The following CNTN3 variants were observed in gnomAD, a reference collection of about 807,000 sequenced individuals.
CNTN3 encodes contactin 3.
Under a neutral mutation model 119.1 loss-of-function variants are expected in CNTN3, and 60 were observed. The observed-to-expected ratio is 0.50, with a 90% confidence interval of 0.41 to 0.62. The LOEUF is 0.62. Among genes scored for constraint, CNTN3 ranks in the 20% least tolerant of loss-of-function variants. The pLI is 0.00. For missense variants in CNTN3, 1,101 were observed against 1,242.4 expected (o/e 0.89, Z 1.71); for synonymous variants, 450 against 438.7 (o/e 1.03, Z -0.32).
intron 1 of CNTN3, among the ~76,000 whole-genome samples, chr3:74,582,559 A>G (rs1704529680): frequency 6.6e-6 from 1 of 152,206 alleles, no homozygotes; most frequent in Admixed American, 6.5e-5. Flanking sequence ...TTCCCAAAAG[A>G]AGATCTATAC....
chr3:74,423,284 G>A (rs1701645422), intron 5 of CNTN3, among the ~76,000 whole-genome samples: 1 of 152,222 alleles, frequency 6.6e-6, no homozygotes, highest in Non-Finnish European at 1.5e-5. Context: ...AAACTGAATT[G>A]TGATGTGGTC....
chr3:74,399,639 TC>T (rs1705143145), intron 5 of CNTN3, among the ~76,000 whole-genome samples: 1 of 152,174 alleles, frequency 6.6e-6, no homozygotes, highest in Non-Finnish European at 1.5e-5. Flanking sequence ...TGATTTATAT[TC>T]CTTTGGGTAT....
At position 74,385,440 on chromosome 3, in the gene CNTN3, A is replaced by C. The variant is rs1011999195; in HGVS notation, c.455-14041T>G. On this transcript the variant is annotated intron_variant, in intron 5 of 22. Coordinates refer to ENST00000263665, the MANE Select transcript of CNTN3 (RefSeq NM_020872.3). The stretch of plus-strand genomic sequence containing the variant: ...AGTACAAAATACTGTTTAAGGACAC[A>C]AAAGTGTTTTGACTATTGCTATCTC... 9.8e-3 allele frequency among the ~76,000 whole-genome samples: 4 copies of C among 410 alleles called. No homozygotes were observed. In the Non-Finnish European group the frequency reaches 0.18, roughly 19 times the overall value. 0.3% of individuals were successfully genotyped at this position (410 alleles called of 152,430 possible). A position where few individuals can be genotyped will look rare whatever the true frequency, so the allele number is the denominator to read the frequency against.
chr3:74,292,982 G>C (rs1702263366), intron 19 of CNTN3, among the ~76,000 whole-genome samples: 1 of 151,890 alleles, frequency 6.6e-6, no homozygotes, highest in Non-Finnish European at 1.5e-5. Context: ...TGTGCATTAA[G>C]TTGTTCTCCT....
chr3:74,379,575 A>G (rs1704565948), intron 5 of CNTN3, among the ~76,000 whole-genome samples: 1 of 152,142 alleles, frequency 6.6e-6, no homozygotes. Flanking sequence ...CAACTCTGGA[A>G]GCTAGTTTGT....
At chr3:74,475,855 C>T (rs909072059) in intron 4 of CNTN3, among the ~76,000 whole-genome samples, 1 of 152,154 alleles carries the variant, frequency 6.6e-6, no homozygotes, top group African/African-American at 2.4e-5. Flanking sequence ...CTCATATGCA[C>T]ATTCCCAGCC....
intron 19 of CNTN3, among the ~76,000 whole-genome samples, chr3:74,290,185 A>C (rs1702196266): frequency 6.6e-6 from 1 of 152,200 alleles, no homozygotes; most frequent in South Asian, 2.1e-4. Context: ...GAGTGCAATT[A>C]TGCGAACCTG....
At chr3:74,290,983 T>C (rs982913359) in intron 19 of CNTN3, among the ~76,000 whole-genome samples, 11 of 152,156 alleles carry the variant, frequency 7.2e-5, no homozygotes, top group African/African-American at 2.7e-4. Context: ...ATGTGCCATG[T>C]TGGTGTGCTG....
rs903605117 is a variant in CNTN3 at position 74,478,207 on chromosome 3, T to C, written c.358+8249A>G. 5.3e-5 allele frequency among the ~76,000 whole-genome samples: 8 copies of C among 152,182 alleles called. No individual in the cohort carries two copies. In the East Asian group the frequency reaches 7.7e-4, roughly 15 times the overall value. On this transcript the variant is annotated intron_variant, in intron 4 of 22. Transcript: ENST00000263665. ...TTTAGTGAGCCAAGCATGGAAGTGA[T>C]TGATGTGTGCGCAGAATCCTCAACG...
rs1038413633 is a variant in CNTN3, at chr3:74,362,149, T to C, written c.1214-109A>G. The C allele has an allele frequency of 1.0e-5, 12 of 1,186,502 alleles. No individual in the cohort carries two copies. In the Admixed American group the frequency reaches 2.6e-4, roughly 26 times the overall value. The allele number at this position is 1,186,502 out of a possible 1,614,324, so 73.5% of individuals were successfully genotyped here. On this transcript the variant is annotated intron_variant, in intron 10 of 22. Transcript: ENST00000263665. The stretch of plus-strand genomic sequence containing the variant: ...AAAAGTTTTCTTTACATTCAGGGTG[T>C]CAGTGCTTGATTTACTTGGCTTATT...
chr3:74,366,364 G>A (rs34073939), intron 8 of CNTN3, among the ~76,000 whole-genome samples: 58,321 of 151,780 alleles, frequency 0.38, 12,217 homozygotes, highest in South Asian at 0.54. Context: ...TCAATCAAAT[G>A]GATTTATCAT....
In CNTN3 at chr3:74,614,433, T is replaced by TCGCCGCCGC. The variant is rs548175205; in HGVS notation, c.-132_-124dup. ...CCAGACGCCCGCCCCGACGGCCCAC[T>TCGCCGCCGC]CGCCGCCGCCGCCGCCGCCGCCGCC... On this transcript the variant is annotated 5_prime_UTR_variant, in exon 1 of 23. Transcript: ENST00000263665. Among the ~76,000 whole-genome samples, 455 of 145,440 alleles carry TCGCCGCCGC rather than the reference T, an allele frequency of 3.1e-3. 6 individuals carry two copies. Among genetic ancestry groups the TCGCCGCCGC allele is most frequent in the Admixed American group, 0.019 (282 of 14,718 alleles).
At chr3:74,455,274 C>A (rs909501540) in intron 4 of CNTN3, among the ~76,000 whole-genome samples, 1 of 152,062 alleles carries the variant, frequency 6.6e-6, no homozygotes, top group African/African-American at 2.4e-5. Context: ...CGCTGATACC[C>A]TTTCTTCCAG....
At chr3:74,592,046 G>A (rs554011552) in intron 1 of CNTN3, among the ~76,000 whole-genome samples, 1 of 152,050 alleles carries the variant, frequency 6.6e-6, no homozygotes, top group East Asian at 1.9e-4. Context: ...GCAGCAGCTG[G>A]AGACACATAA....
At chr3:74,600,983 GTGT>G (rs1368441445) in intron 1 of CNTN3, among the ~76,000 whole-genome samples, 5 of 151,516 alleles carry the variant, frequency 3.3e-5, no homozygotes, top group Non-Finnish European at 7.4e-5. Flanking sequence ...TATTAGGTTA[GTGT>G]TGTTGTCTTT....
chr3:74,563,682 A>C (rs1313892720), intron 1 of CNTN3, among the ~76,000 whole-genome samples: 1 of 152,076 alleles, frequency 6.6e-6, no homozygotes, highest in East Asian at 1.9e-4. Context: ...CCAGATTTTG[A>C]ATGGGAAGCT....
intron 1 of CNTN3, among the ~76,000 whole-genome samples, chr3:74,538,329 A>C (rs1329704144): frequency 6.6e-6 from 1 of 152,128 alleles, no homozygotes; most frequent in Non-Finnish European, 1.5e-5. Flanking sequence ...TTGGTTACAT[A>C]ATCCACTAAT....
chr3:74,436,245 T>C (rs1320933705), intron 4 of CNTN3, among the ~76,000 whole-genome samples: 3 of 152,222 alleles, frequency 2.0e-5, no homozygotes, highest in African/African-American at 7.2e-5. Context: ...ATACCCCTCC[T>C]ATGTGAAAGA....
rs776621925 is a variant in CNTN3 at position 74,551,754 on chromosome 3, CTTTTTTTTTT to C, written c.-80-30572_-80-30563del. Among the ~76,000 whole-genome samples the C allele has an allele frequency of 4.7e-4, 28 of 60,206 alleles. 1 individual carries two copies. Among genetic ancestry groups the C allele is most frequent in the Admixed American group, 4.2e-3 (18 of 4,284 alleles). The allele number at this position is 60,206 out of a possible 152,430, so 39.5% of individuals were successfully genotyped here. On this transcript the variant is annotated intron_variant, in intron 1 of 22. Transcript: ENST00000263665. ...AGATCTGCTTCTTCTTCTTCTTCTT[CTTTTTTTTTT>C]TTTTTTTTTTTTTTTTTGAGATGGA...
Sources: gnomAD v4.1 joint callset for allele counts (sites outside exome capture counted in the v4.1 genomes callset) on GRCh38, gnomAD v4.1.1 for gene constraint, MANE v1.5 for transcripts, NCBI Gene and HGNC (gene_info 2026-07-23, HGNC 2026-07-21) for gene names.